Variants in GSK3B observed in about 807,000 individuals in gnomAD.
The protein encoded by GSK3B is glycogen synthase kinase 3 beta.
GSK3B carries 15 observed loss-of-function variants against 56.4 expected under a neutral mutation model. That is an observed-to-expected ratio of 0.27 (90% CI 0.18 to 0.41). The LOEUF (loss-of-function observed/expected upper bound fraction) is 0.41, where lower values mean the gene tolerates loss of function less well. GSK3B is among the 10% of genes least tolerant of loss of function. The pLI, the probability that GSK3B is intolerant of heterozygous loss-of-function variation, is 1.00. For missense variants in GSK3B, 300 were observed against 513.4 expected, an observed-to-expected ratio of 0.58 and a Z score of 4.02; for synonymous variants, 181 against 188.9, an observed-to-expected ratio of 0.96 and a Z score of 0.34.
At chr3:120,006,802 A>G (rs977489950) in intron 1 of GSK3B, among the ~76,000 whole-genome samples, 2 of 152,218 alleles carry the variant, frequency 1.3e-5, no homozygotes, top group Admixed American at 6.5e-5. Flanking sequence ...AATGCCCACA[A>G]GAGAAAGCAG....
intron 2 of GSK3B, among the ~76,000 whole-genome samples, chr3:119,961,088 G>A (rs867236925): frequency 2.6e-5 from 4 of 151,954 alleles, no homozygotes; most frequent in South Asian, 2.1e-4. Flanking sequence ...CCCAAGTCAC[G>A]AGCCCCCACC....
intron 2 of GSK3B, among the ~76,000 whole-genome samples, chr3:119,950,127 G>T (rs1464439950): frequency 6.6e-6 from 1 of 152,104 alleles, no homozygotes; most frequent in East Asian, 1.9e-4. Flanking sequence ...AGAAAAATAA[G>T]AAAGAATGTT....
intron 1 of GSK3B, among the ~76,000 whole-genome samples, chr3:120,089,078 T>C (rs2058489579): frequency 6.6e-6 from 1 of 152,226 alleles, no homozygotes; most frequent in Non-Finnish European, 1.5e-5. Context: ...TCAATTCTAA[T>C]ATAAGGGCTA....
At chr3:119,879,936 G>T (rs985332758) in intron 7 of GSK3B, among the ~76,000 whole-genome samples, 2 of 152,168 alleles carry the variant, frequency 1.3e-5, no homozygotes, top group African/African-American at 4.8e-5. Context: ...ACATAGGAGT[G>T]CAGATACCTG....
chr3:119,863,409 T>C lies in GSK3B; in HGVS notation c.1096+10A>G, dbSNP rs2056135302. On this transcript the variant is annotated intron_variant, in intron 9 of 10. Transcript: ENST00000264235. ...TAGAACTGGTGAAGAGGCTAAGTGT[T>C]TGGAGTTACCTTGAGTGGTGAAGTT... 6.2e-7 allele frequency: 1 copy of C among 1,608,258 alleles called. No homozygotes were observed. Among genetic ancestry groups the C allele is most frequent in the South Asian group, 1.1e-5 (1 of 90,952 alleles).
intron 7 of GSK3B, among the ~76,000 whole-genome samples, chr3:119,890,599 C>T (rs376148537): frequency 1.6e-3 from 237 of 152,056 alleles, no homozygotes; most frequent in Middle Eastern, 3.4e-3. Flanking sequence ...TAAAAAGAAA[C>T]ATTTTTAGGG....
intron 3 of GSK3B, among the ~76,000 whole-genome samples, chr3:119,926,655 C>T (rs2056892062): frequency 6.6e-6 from 1 of 152,182 alleles, no homozygotes; most frequent in Non-Finnish European, 1.5e-5. Context: ...CTCTATTCTT[C>T]TACTCCACTG....
At position 119,905,908 on chromosome 3, in the gene GSK3B, T is replaced by C. The variant is rs2056677995; in HGVS notation, c.716-56A>G. 5 of 966,582 alleles carry C rather than the reference T, an allele frequency of 5.2e-6. No individual in the cohort carries two copies. The South Asian group carries it at 6.5e-5, about 13-fold the overall frequency. 59.9% of individuals were successfully genotyped at this position (966,582 alleles called of 1,614,324 possible). A position where few individuals can be genotyped will look rare whatever the true frequency, so the allele number is the denominator to read the frequency against. On this transcript the variant is annotated intron_variant, in intron 6 of 10. Transcript: ENST00000264235. The stretch of plus-strand genomic sequence containing the variant: ...ATACTTCATAGCTTGAGCTGAAAAG[T>C]GTTTGTATACGTTTTCTAATTTTAC...
chr3:120,088,748 T>C (rs1016004740), intron 1 of GSK3B, among the ~76,000 whole-genome samples: 12 of 152,226 alleles, frequency 7.9e-5, no homozygotes, highest in African/African-American at 2.9e-4. Context: ...GTTGGTCCTG[T>C]TAGTACCAAC....
At chr3:119,912,024 A>G (rs2056739330) in intron 6 of GSK3B, among the ~76,000 whole-genome samples, 1 of 152,180 alleles carries the variant, frequency 6.6e-6, no homozygotes, top group Non-Finnish European at 1.5e-5. Flanking sequence ...CAACTTGGCT[A>G]ACTGTGTGGC....
intron 10 of GSK3B, among the ~76,000 whole-genome samples, chr3:119,839,955 A>G (rs1029119203): frequency 6.6e-6 from 1 of 152,140 alleles, no homozygotes; most frequent in Non-Finnish European, 1.5e-5. Context: ...TAAATTTGAA[A>G]TATTTCCAGG....
intron 2 of GSK3B, among the ~76,000 whole-genome samples, chr3:119,991,510 CAA>C (rs61063108): frequency 0.019 from 1,477 of 78,928 alleles, 17 homozygotes; most frequent in African/African-American, 0.063. Context: ...TACTATTCAC[CAA>C]AAAAAAAAAA....
intron 7 of GSK3B, among the ~76,000 whole-genome samples, chr3:119,879,085 G>A (rs2056349316): frequency 3.3e-5 from 5 of 152,122 alleles, no homozygotes; most frequent in Admixed American, 2.0e-4. Context: ...TGTATCTGTG[G>A]AATATATGAG....
At chr3:120,082,659 G>A (rs2058431410) in intron 1 of GSK3B, among the ~76,000 whole-genome samples, 1 of 151,922 alleles carries the variant, frequency 6.6e-6, no homozygotes, top group Admixed American at 6.6e-5. Flanking sequence ...CTCCCAATGT[G>A]CTGGGATTAC....
intron 2 of GSK3B, among the ~76,000 whole-genome samples, chr3:119,989,588 T>C (rs1397618683): frequency 6.6e-6 from 1 of 150,386 alleles, no homozygotes; most frequent in Non-Finnish European, 1.5e-5. Context: ...GAGGTTGCAT[T>C]GAGCTGAGAT....
At chr3:119,975,553 A>C (rs1034487292) in intron 2 of GSK3B, among the ~76,000 whole-genome samples, 2 of 152,236 alleles carry the variant, frequency 1.3e-5, no homozygotes, top group African/African-American at 4.8e-5. Flanking sequence ...GTATGATTCC[A>C]AGAAAAGGCA....
intron 8 of GSK3B, among the ~76,000 whole-genome samples, chr3:119,867,124 A>C (rs1233634386): frequency 6.6e-6 from 1 of 152,174 alleles, no homozygotes; most frequent in Non-Finnish European, 1.5e-5. Flanking sequence ...TACACAGTAT[A>C]AACATTTTTT....
chr3:119,864,285 A>G (rs1217653684), intron 8 of GSK3B, among the ~76,000 whole-genome samples: 1 of 152,216 alleles, frequency 6.6e-6, no homozygotes, highest in African/African-American at 2.4e-5. Flanking sequence ...AAGAATGATT[A>G]AGACAAAGAA....
intron 2 of GSK3B, among the ~76,000 whole-genome samples, chr3:119,967,848 C>G (rs1176388126): frequency 6.8e-6 from 1 of 147,372 alleles, no homozygotes; most frequent in Admixed American, 6.8e-5. Context: ...CTCTCTCTCT[C>G]TCTCTCTCTC....
Sources: allele counts gnomAD v4.1 joint callset (sites outside exome capture counted in the v4.1 genomes callset), GRCh38; gene constraint gnomAD v4.1.1; transcripts MANE v1.5; gene names NCBI Gene and HGNC (gene_info 2026-07-23, HGNC 2026-07-21).